The following FOXO3 variants were observed in gnomAD, a reference collection of about 807,000 sequenced individuals.
FOXO3 encodes the protein forkhead box O3, also known as forkhead box protein O3.
A neutral mutation model predicts 41.9 loss-of-function variants in FOXO3; 4 were observed. The ratio of observed to expected loss-of-function variants is 0.10; its 90% CI spans 0.05 to 0.22. The LOEUF is 0.22. FOXO3 is among the 10% of genes least tolerant of loss of function. The probability of loss-of-function intolerance (pLI) is 1.00; values close to 1 mark genes in which losing one functional copy is unlikely to be tolerated. For synonymous variants in FOXO3, 318 were observed against 389.3 expected (o/e 0.82, Z 2.16); for missense variants, 534 against 906.8 (o/e 0.59, Z 5.28).
At chr6:108,636,370 G>A (rs943175515) in intron 1 of FOXO3, among the ~76,000 whole-genome samples, 1 of 152,150 alleles carries the variant, frequency 6.6e-6, no homozygotes, top group Admixed American at 6.5e-5. Context: ...GGAGATCACT[G>A]TTTCGTATGC....
At chr6:108,678,379 G>C (rs1161917963) in intron 2 of FOXO3, among the ~76,000 whole-genome samples, 1 of 152,050 alleles carries the variant, frequency 6.6e-6, no homozygotes, top group African/African-American at 2.4e-5. Flanking sequence ...TCTTGGCCTA[G>C]AGCCGTTTCT....
chr6:108,661,910 A>AT (rs1232947072), intron 1 of FOXO3, among the ~76,000 whole-genome samples: 2 of 152,240 alleles, frequency 1.3e-5, no homozygotes, highest in East Asian at 3.8e-4. Flanking sequence ...CAGAGATAGT[A>AT]GAGAGTTCCC....
chr6:108,625,595 T>C (rs1242497284), intron 1 of FOXO3, among the ~76,000 whole-genome samples: 1 of 152,184 alleles, frequency 6.6e-6, no homozygotes, highest in Non-Finnish European at 1.5e-5. Flanking sequence ...ACTAAGGAAA[T>C]CCTTGCTCTG....
At chr6:108,649,030 A>G (rs1489929712) in intron 1 of FOXO3, among the ~76,000 whole-genome samples, 4 of 151,196 alleles carry the variant, frequency 2.6e-5, no homozygotes, top group Non-Finnish European at 5.9e-5. Context: ...AAAAAAAAAA[A>G]AAAGGACTAC....
chr6:108,620,627 T>G (rs996092671), intron 1 of FOXO3, among the ~76,000 whole-genome samples: 6 of 152,124 alleles, frequency 3.9e-5, no homozygotes, highest in African/African-American at 1.4e-4. Flanking sequence ...ATCAAGTCAT[T>G]ATTTATCTTG....
intron 2 of FOXO3, among the ~76,000 whole-genome samples, chr6:108,676,635 T>C (rs1770604555): frequency 6.6e-6 from 1 of 152,250 alleles, no homozygotes; most frequent in East Asian, 1.9e-4. Context: ...AATGTCATAC[T>C]TTAAACTATT....
intron 1 of FOXO3, among the ~76,000 whole-genome samples, chr6:108,564,538 G>A (rs1234903914): frequency 2.6e-5 from 4 of 152,224 alleles, no homozygotes; most frequent in African/African-American, 9.6e-5. Flanking sequence ...AAAGGGCACG[G>A]TATGCAGGGC....
chr6:108,561,404 G>A lies in FOXO3; in HGVS notation c.196G>A (p.Asp66Asn), dbSNP rs748778735. The A allele has an allele frequency of 2.8e-5, 43 of 1,547,256 alleles. No homozygotes were observed. The African/African-American group carries it at 5.5e-4, about 20-fold the overall frequency. ...CCCCGAGGAGGAGGACGATGAAGAC[G>A]ACGAGGACGGCGGGGGACGGGCCGG... ...MIPEEEDDEDDEDGGGRAGSA... is the reference protein window; with the variant it reads ...MIPEEEDDEDNEDGGGRAGSA... The change falls in exon 1 of 3, where the codon GAC (aspartate) becomes AAC (asparagine). Residue 66 changes from aspartate (D) to asparagine (N), a missense_variant. Asp to Asn is a conservative substitution (Grantham distance 23, BLOSUM62 1). This residue lies in a region of FOXO3 where 139 missense variants were observed against 163.7 expected (regional missense o/e 0.85). Transcript: ENST00000406360.
At chr6:108,617,262 C>T (rs1777540996) in intron 1 of FOXO3, among the ~76,000 whole-genome samples, 1 of 152,084 alleles carries the variant, frequency 6.6e-6, no homozygotes, top group African/African-American at 2.4e-5. Context: ...TCTGCTAGTC[C>T]CATCATCTTG....
rs74512945 is a variant in FOXO3 at position 108,611,398 on chromosome 6, G to A, written c.621+49569G>A. On this transcript the variant is annotated intron_variant, in intron 1 of 2. Transcript: ENST00000406360. ...TAAATGCCTAGGAGTAGGACTGCTG[G>A]GTGGTAAGTGCAGTGTATGTTTAAC... Among the ~76,000 whole-genome samples, 107 of 152,224 alleles carry A rather than the reference G, an allele frequency of 7.0e-4. 2 individuals are homozygous for A. The highest frequency in any genetic ancestry group is 2.6e-3 in the African/African-American group (106 of 41,548).
upstream of FOXO3, among the ~76,000 whole-genome samples, chr6:108,560,682 C>G (rs1775748401): frequency 6.6e-6 from 1 of 152,230 alleles, no homozygotes; most frequent in Non-Finnish European, 1.5e-5. Flanking sequence ...CCGAGCGAAA[C>G]ATAAACAAAC....
intron 1 of FOXO3, among the ~76,000 whole-genome samples, chr6:108,620,487 C>G (rs1044093640): frequency 6.6e-6 from 1 of 152,078 alleles, no homozygotes; most frequent in African/African-American, 2.4e-5. Flanking sequence ...TGTATTTCTC[C>G]CATATTACTT....
At chr6:108,675,457 A>T (rs1252322180) in intron 2 of FOXO3, among the ~76,000 whole-genome samples, 1 of 152,220 alleles carries the variant, frequency 6.6e-6, no homozygotes, top group Non-Finnish European at 1.5e-5. Flanking sequence ...ACTGGGAGGC[A>T]GTGCAAGGCA....
chr6:108,655,522 A>G (rs1386401143), intron 1 of FOXO3, among the ~76,000 whole-genome samples: 1 of 152,186 alleles, frequency 6.6e-6, no homozygotes, highest in Non-Finnish European at 1.5e-5. Context: ...CATTAGAATA[A>G]TCTGGGGAGC....
At chr6:108,619,625 T>G (rs185050691) in intron 1 of FOXO3, among the ~76,000 whole-genome samples, 1 of 152,236 alleles carries the variant, frequency 6.6e-6, no homozygotes, top group Non-Finnish European at 1.5e-5. Context: ...TATTTGCGTC[T>G]AAGAATAACA....
At chr6:108,599,898 A>G (rs1776994969) in intron 1 of FOXO3, among the ~76,000 whole-genome samples, 1 of 152,208 alleles carries the variant, frequency 6.6e-6, no homozygotes, top group South Asian at 2.1e-4. Flanking sequence ...TTTCAGCAAA[A>G]TATTGGGTGG....
chr6:108,598,004 A>C (rs1277924407), intron 1 of FOXO3, among the ~76,000 whole-genome samples: 1 of 152,230 alleles, frequency 6.6e-6, no homozygotes, highest in Non-Finnish European at 1.5e-5. Flanking sequence ...CATAAATTCT[A>C]AGCTAGAATT....
intron 1 of FOXO3, among the ~76,000 whole-genome samples, chr6:108,599,897 A>C (rs553466377): frequency 1.1e-4 from 16 of 152,268 alleles, no homozygotes; most frequent in African/African-American, 3.9e-4. Context: ...ATTTCAGCAA[A>C]ATATTGGGTG....
chr6:108,645,021 A>G (rs1389013584), intron 1 of FOXO3, among the ~76,000 whole-genome samples: 4 of 152,192 alleles, frequency 2.6e-5, no homozygotes, highest in Non-Finnish European at 4.4e-5. Flanking sequence ...GCAAATACCA[A>G]TTTGAATGAC....
Sources: allele counts gnomAD v4.1 joint callset (sites outside exome capture counted in the v4.1 genomes callset), GRCh38; gene constraint gnomAD v4.1.1; regional missense constraint gnomAD v4.1.1; transcripts MANE v1.5; gene names NCBI Gene and HGNC (gene_info 2026-07-23, HGNC 2026-07-21).